ZFPM2: variants seen among roughly 807,000 people sequenced by gnomAD.
The protein encoded by ZFPM2 is zinc finger protein, FOG family member 2, also known as zinc finger protein ZFPM2.
In ZFPM2, 20 loss-of-function variants were observed where a neutral mutation model predicts 98.6. The observed-to-expected ratio is 0.20, with a 90% CI of 0.14 to 0.29. ZFPM2 has a LOEUF of 0.29. Ranked by LOEUF, ZFPM2 falls within the 10% of genes least tolerant of loss-of-function variation. The probability of loss-of-function intolerance (pLI) is 1.00; values close to 1 mark genes in which losing one functional copy is unlikely to be tolerated. For synonymous variants in ZFPM2, 518 were observed against 502.7 expected, an observed-to-expected ratio of 1.03 and a Z score of -0.41; for missense variants, 1,310 against 1,388.6, an observed-to-expected ratio of 0.94 and a Z score of 0.90.
intron 6 of ZFPM2, among the ~76,000 whole-genome samples, chr8:105,790,204 T>C (rs957265983): frequency 1.3e-5 from 2 of 151,154 alleles, no homozygotes; most frequent in African/African-American, 2.4e-5. Flanking sequence ...TCTTCTAGGG[T>C]TTTTATGGTT....
At chr8:105,796,642 CTCCT>C (rs1813826970) in intron 6 of ZFPM2, 1 of 152,150 alleles carries the variant, frequency 6.6e-6, no homozygotes, top group African/African-American at 2.4e-5. Context: ...CCTGAGCCAT[CTCCT>C]TCACTACCAT....
intron 4 of ZFPM2, among the ~76,000 whole-genome samples, chr8:105,589,307 C>T (rs1361774278): frequency 6.6e-6 from 1 of 152,182 alleles, no homozygotes; most frequent in Non-Finnish European, 1.5e-5. Context: ...ATCATCCAGA[C>T]TTTGTTAAAT....
At position 105,318,826 on chromosome 8, in the gene ZFPM2, C is replaced by A; in HGVS notation, c.-116C>A. On this transcript the variant is annotated 5_prime_UTR_variant, in exon 1 of 8. Transcript: ENST00000407775. ...CCCGGAGCACCTGGAGTCCGGCCGGCGGCGGGCCGAGCCTGGCCAGCGGCG... is the reference window on the plus strand; with the variant it reads ...CCCGGAGCACCTGGAGTCCGGCCGGAGGCGGGCCGAGCCTGGCCAGCGGCG... 1 of 531,978 alleles carries A rather than the reference C, an allele frequency of 1.9e-6. No homozygotes were observed. The highest frequency in any genetic ancestry group is 2.4e-6 in the Non-Finnish European group (1 of 418,258). The allele number at this position is 531,978 out of a possible 1,614,324, so 33.0% of individuals were successfully genotyped here.
chr8:105,324,777 A>C (rs1203634196), intron 1 of ZFPM2, among the ~76,000 whole-genome samples: 2 of 151,986 alleles, frequency 1.3e-5, no homozygotes, highest in African/African-American at 4.8e-5. Context: ...CATTTCAAGA[A>C]AACACCTTCC....
At chr8:105,579,700 A>C (rs1815544477) in intron 4 of ZFPM2, among the ~76,000 whole-genome samples, 1 of 152,186 alleles carries the variant, frequency 6.6e-6, no homozygotes. Flanking sequence ...CTCTCGTTGC[A>C]CTGTGTGGCA....
intron 1 of ZFPM2, among the ~76,000 whole-genome samples, chr8:105,382,847 T>C (rs1024375453): frequency 2.0e-5 from 3 of 152,112 alleles, no homozygotes; most frequent in Non-Finnish European, 4.4e-5. Context: ...GAAGTATTAA[T>C]GGATAATATT....
intron 1 of ZFPM2, among the ~76,000 whole-genome samples, chr8:105,394,651 A>G (rs1405617989): frequency 6.6e-6 from 1 of 152,190 alleles, no homozygotes; most frequent in East Asian, 1.9e-4. Flanking sequence ...TCCCAAACTG[A>G]AATGTGCATG....
chr8:105,411,608 T>A (rs920571503), intron 1 of ZFPM2, among the ~76,000 whole-genome samples: 2 of 151,872 alleles, frequency 1.3e-5, no homozygotes, highest in Non-Finnish European at 2.9e-5. Flanking sequence ...TTGAAATATA[T>A]CTCAATCATA....
chr8:105,682,573 A>C (rs1434798742), intron 5 of ZFPM2, among the ~76,000 whole-genome samples: 1 of 152,170 alleles, frequency 6.6e-6, no homozygotes, highest in African/African-American at 2.4e-5. Context: ...GGATTTATAC[A>C]TCTTGGTAGA....
At chr8:105,507,322 A>G (rs374573259) in intron 3 of ZFPM2, among the ~76,000 whole-genome samples, 27 of 152,326 alleles carry the variant, frequency 1.8e-4, no homozygotes, top group African/African-American at 5.8e-4. Context: ...TCATTTAACA[A>G]TGTGAGAATT....
rs190366758 is a variant in ZFPM2, at chr8:105,653,852, A to T, written c.532+19495A>T. Among the ~76,000 whole-genome samples the T allele has an allele frequency of 8.9e-5, 5 of 56,226 alleles. 1 individual carries two copies. Among genetic ancestry groups the T allele is most frequent in the Admixed American group, 5.0e-4 (2 of 3,970 alleles). 36.9% of individuals were successfully genotyped at this position (56,226 alleles called of 152,430 possible). A position where few individuals can be genotyped will look rare whatever the true frequency, so the allele number is the denominator to read the frequency against. On this transcript the variant is annotated intron_variant, in intron 5 of 7. Transcript: ENST00000407775. The stretch of plus-strand genomic sequence containing the variant: ...GTCTTTATACAACAGCTTGTGTGCT[A>T]TCTTTTTTTTTTTTTTTTTTTTTTT...
At chr8:105,529,671 A>C (rs2130577564) in intron 3 of ZFPM2, among the ~76,000 whole-genome samples, 1 of 152,012 alleles carries the variant, frequency 6.6e-6, no homozygotes, top group African/African-American at 2.4e-5. Flanking sequence ...TCCACCAAAT[A>C]AAATGGGAAT....
chr8:105,387,425 C>G (rs1038926128), intron 1 of ZFPM2: 28 of 154,422 alleles, frequency 1.8e-4, no homozygotes, highest in African/African-American at 6.5e-4. Flanking sequence ...GAGCCCACAG[C>G]GTGGGGGAGG....
At chr8:105,644,748 G>A (rs1563755700) in intron 5 of ZFPM2, among the ~76,000 whole-genome samples, 1 of 152,152 alleles carries the variant, frequency 6.6e-6, no homozygotes, top group Non-Finnish European at 1.5e-5. Context: ...TGGGTTTGTG[G>A]ATGGGCACCT....
intron 4 of ZFPM2, among the ~76,000 whole-genome samples, chr8:105,626,975 G>C (rs1407839237): frequency 6.6e-6 from 1 of 152,040 alleles, no homozygotes; most frequent in East Asian, 1.9e-4. Flanking sequence ...TCATCTCATG[G>C]GAAGATTTTC....
chr8:105,487,496 C>T (rs1277398970), intron 3 of ZFPM2, among the ~76,000 whole-genome samples: 1 of 152,090 alleles, frequency 6.6e-6, no homozygotes, highest in African/African-American at 2.4e-5. Context: ...CATGGTTCTA[C>T]AGAACACGAT....
rs772924722 is a variant in ZFPM2, at chr8:105,802,062, T to C, written c.1980T>C (p.Asp660=). ...AGCTCTCCACCTCCAGTAACAATGA[T>C]GACAAAATTAATGGAAAACCTGTTG... The part of the protein sequence containing the change: ...TKKLSTSSNN[D]DKINGKPVDV... Residue 660 remains aspartate (D), a synonymous_variant, in exon 8 of 8, where the codon GAT becomes GAC. Coordinates refer to ENST00000407775, the MANE Select transcript of ZFPM2 (RefSeq NM_012082.4). The C allele has an allele frequency of 3.1e-6, 5 of 1,613,776 alleles. No individual in the cohort carries two copies. In the South Asian group the frequency reaches 3.3e-5, roughly 11 times the overall value.
intron 5 of ZFPM2, among the ~76,000 whole-genome samples, chr8:105,744,671 A>G (rs1288885564): frequency 6.6e-6 from 1 of 151,886 alleles, no homozygotes; most frequent in Non-Finnish European, 1.5e-5. Flanking sequence ...TTGAAGAGTG[A>G]TGCCTACATC....
chr8:105,683,799 T>C (rs765973436), intron 5 of ZFPM2, among the ~76,000 whole-genome samples: 9 of 152,184 alleles, frequency 5.9e-5, no homozygotes, highest in Non-Finnish European at 1.0e-4. Context: ...AATGTGTGAA[T>C]ATCTTTATTA....
Sources: gnomAD v4.1 joint callset for allele counts (sites outside exome capture counted in the v4.1 genomes callset) on GRCh38, gnomAD v4.1.1 for gene constraint, MANE v1.5 for transcripts, NCBI Gene and HGNC (gene_info 2026-07-23, HGNC 2026-07-21) for gene names.